The following EMP3 variants were observed in gnomAD, a reference collection of about 807,000 sequenced individuals.
EMP3 encodes the protein epithelial membrane protein 3 (MAM blood group).
Under a neutral mutation model 21.6 loss-of-function variants are expected in EMP3, and 15 were observed. The ratio of observed to expected loss-of-function variants is 0.69; its 90% CI spans 0.46 to 1.07. The LOEUF (loss-of-function observed/expected upper bound fraction) is 1.07. Among genes scored for constraint, EMP3 ranks in the 50% least tolerant of loss-of-function variants. The pLI is 0.00. For missense variants in EMP3, 183 were observed against 206.6 expected, an observed-to-expected ratio of 0.89 and a Z score of 0.70; for synonymous variants, 107 against 86.1, an observed-to-expected ratio of 1.24 and a Z score of -1.34.
intron 1 of EMP3, 95 bp from the exon 2 acceptor site, chr19:48,326,735 C>T: frequency 1.0e-6 from 1 of 996,438 alleles, no homozygotes; most frequent in Non-Finnish European, 1.6e-6. Context: ...GGTGATCCTC[C>T]CGCCTCGGCC....
Position 48,329,363 on chromosome 19 carries a change from G to A in EMP3, c.193G>A (p.Ala65Thr), listed in dbSNP as rs938387896. ...SNVSENGWLKAVQVLMVLSLI... is the reference protein window; with the variant it reads ...SNVSENGWLKTVQVLMVLSLI... ...CCTCCTTACTGCAGGCTGGCTGAAG[G>A]CGGTGCAGGTCCTCATGGTGCTCTC... The change falls in exon 4 of 5, where the codon GCG (alanine) becomes ACG (threonine). Residue 65 changes from alanine (A) to threonine (T), a missense_variant. Ala to Thr is a moderately conservative substitution (Grantham distance 58). Coordinates refer to ENST00000270221, the MANE Select transcript of EMP3 (RefSeq NM_001425.3). This position sits in a 1 kb window ranked among gnomAD's most constrained non-coding sequence, Gnocchi z 4.5. The A allele has an allele frequency of 6.2e-7, 1 of 1,614,074 alleles. No homozygotes were observed. Among genetic ancestry groups the A allele is most frequent in the Non-Finnish European group, 8.5e-7 (1 of 1,180,000 alleles).
At position 48,330,470 on chromosome 19, in the gene EMP3, A is replaced by G. The variant is rs769824313; in HGVS notation, c.492A>G (p.Ter164TrpextTer23). The G allele has an allele frequency of 6.4e-7, 1 of 1,574,560 alleles. No homozygotes were observed. The highest frequency in any genetic ancestry group is 1.2e-5 in the South Asian group (1 of 86,688). Reference sequence around the variant, plus strand: ...ACATCCACCTACGGAAGCGGGAGTGAGCGCCCCGCCTCGCTCGGCTGCCCC... The same window carrying G: ...ACATCCACCTACGGAAGCGGGAGTGGGCGCCCCGCCTCGCTCGGCTGCCCC... ...IIYIHLRKRE[*>W] Residue 164 changes from the stop codon to tryptophan, a stop_lost, in exon 5 of 5, where the codon TGA becomes TGG. Transcript: ENST00000270221.
chr19:48,326,948 C>T (rs994822178), intron 2 of EMP3, 26 bp downstream of exon 2: 2 of 1,602,506 alleles, frequency 1.2e-6, no homozygotes, highest in East Asian at 2.2e-5. Context: ...GCTCAGGGCC[C>T]TTCTGTTCCC....
intron 3 of EMP3, among the ~76,000 whole-genome samples, chr19:48,327,992 A>G (rs1422818157): frequency 6.6e-6 from 1 of 151,878 alleles, no homozygotes; most frequent in Admixed American, 6.6e-5. Context: ...TTTTTAGTAG[A>G]GACAGGTTTC....
Position 48,327,466 on chromosome 19 carries a change from C to T in EMP3, c.79-55C>T, listed in dbSNP as rs1178894933. On this transcript the variant is annotated intron_variant, in intron 2 of 4. Transcript: ENST00000270221. ...AGCCCTTCCCACAGTCTGCCTGACC[C>T]TATCCCCTCTCCTTTCCTAACCCTG... 27 of 1,357,332 alleles carry T rather than the reference C, an allele frequency of 2.0e-5. No individual in the cohort carries two copies. The East Asian group carries it at 5.2e-4, about 26-fold the overall frequency. The allele number at this position is 1,357,332 out of a possible 1,614,324, so 84.1% of individuals were successfully genotyped here. A position where few individuals can be genotyped will look rare whatever the true frequency, so the allele number is the denominator to read the frequency against.
rs1453199231 is a variant in EMP3, at chr19:48,329,310, G to A, written c.182-42G>A. ...AGCAAGCAGGTGAAGCTGGAACTCT[G>A]GACCCACGGTGATGTCCCCCTCTGT... On this transcript the variant is annotated intron_variant, in intron 3 of 4. Coordinates refer to ENST00000270221, the MANE Select transcript of EMP3 (RefSeq NM_001425.3). This position sits in a 1 kb window ranked among gnomAD's most constrained non-coding sequence, Gnocchi z 4.5. 1.9e-6 allele frequency: 3 copies of A among 1,612,002 alleles called. No homozygotes were observed. Among genetic ancestry groups the A allele is most frequent in the Non-Finnish European group, 2.5e-6 (3 of 1,178,840 alleles).
chr19:48,326,787 G>A (rs1969129604), intron 1 of EMP3, 43 bp from the exon 2 acceptor site: 1 of 1,559,320 alleles, frequency 6.4e-7, no homozygotes, highest in Non-Finnish European at 8.8e-7. Context: ...TGCCTGGCCT[G>A]TGCCAACCTC....
At chr19:48,330,269 A>T in intron 4 of EMP3, 32 bp from the exon 5 acceptor site, 2 of 1,536,914 alleles carry the variant, frequency 1.3e-6, no homozygotes, top group Non-Finnish European at 1.8e-6. Context: ...TTGAGGGGGC[A>T]CTGCATGACG....
At chr19:48,330,237 T>G in intron 4 of EMP3, 64 bp from the exon 5 acceptor site, 1 of 1,475,342 alleles carries the variant, frequency 6.8e-7, no homozygotes, top group Non-Finnish European at 9.0e-7. Flanking sequence ...TTTGCCCCCA[T>G]GGGATATTGG....
intron 1 of EMP3, 121 bp from the exon 2 acceptor site, chr19:48,326,709 C>T (rs1324195013): frequency 1.0e-5 from 8 of 774,264 alleles, no homozygotes; most frequent in African/African-American, 5.1e-5. Context: ...AGGCTGGTCT[C>T]GATCTCCTGA....
rs550804702 is a variant in EMP3 at position 48,328,227 on chromosome 19, T to A, written c.181+604T>A. 7.2e-5 allele frequency among the ~76,000 whole-genome samples: 11 copies of A among 151,876 alleles called. No homozygotes were observed. In the East Asian group the frequency reaches 2.1e-3, roughly 29 times the overall value. On this transcript the variant is annotated intron_variant, in intron 3 of 4. Transcript: ENST00000270221. ...GAGTTCGAGACCAGCCTGGCCAAGA[T>A]GATGAAACCCCGTCTCTACTAAAAA...
rs1040294414 is a variant in EMP3 at position 48,330,150 on chromosome 19, G to C, written c.323-151G>C. ...AGTTACCTAAGGCCGCGCTACAGTT[G>C]CACGGCGCTGGGCGGGGGGGAAAGA... On this transcript the variant is annotated intron_variant, in intron 4 of 4. Transcript: ENST00000270221. 3.7e-5 allele frequency: 42 copies of C among 1,135,618 alleles called. No individual in the cohort carries two copies. In the East Asian group the frequency reaches 1.2e-3, roughly 31 times the overall value. 70.3% of individuals were successfully genotyped at this position (1,135,618 alleles called of 1,614,324 possible).
chr19:48,330,237 T>C, intron 4 of EMP3, 64 bp from the exon 5 acceptor site: 5 of 1,475,390 alleles, frequency 3.4e-6, no homozygotes, highest in Non-Finnish European at 4.5e-6. Context: ...TTTGCCCCCA[T>C]GGGATATTGG....
chr19:48,330,270 C>A, intron 4 of EMP3, 31 bp from the exon 5 acceptor site: 1 of 1,550,072 alleles, frequency 6.5e-7, no homozygotes, highest in South Asian at 1.2e-5. Context: ...TGAGGGGGCA[C>A]TGCATGACGT....
chr19:48,330,164 G>T lies in EMP3; in HGVS notation c.323-137G>T, dbSNP rs887105571. On this transcript the variant is annotated intron_variant, in intron 4 of 4. Transcript: ENST00000270221. ...GCGCTACAGTTGCACGGCGCTGGGC[G>T]GGGGGGAAAGAACCACAACTCCCAG... The T allele has an allele frequency of 7.2e-6, 9 of 1,245,652 alleles. No homozygotes were observed. The African/African-American group carries it at 1.4e-4, about 20-fold the overall frequency. The allele number at this position is 1,245,652 out of a possible 1,614,324, so 77.2% of individuals were successfully genotyped here. A position where few individuals can be genotyped will look rare whatever the true frequency, so the allele number is the denominator to read the frequency against.
At chr19:48,327,357 T>G (rs1969138485) in intron 2 of EMP3, among the ~76,000 whole-genome samples, 164 bp from the exon 3 acceptor site, 1 of 152,058 alleles carries the variant, frequency 6.6e-6, no homozygotes. Flanking sequence ...CGATGCCTCC[T>G]CCCTGTCCTG....
chr19:48,327,450 C>A, intron 2 of EMP3, 71 bp from the exon 3 acceptor site: 1 of 1,160,026 alleles, frequency 8.6e-7, no homozygotes, highest in Non-Finnish European at 1.3e-6. Context: ...CAGCCCTTCC[C>A]ACAGTCTGCC....
chr19:48,326,857 T>C lies in EMP3; in HGVS notation c.13T>C (p.Leu5=). The change falls in exon 2 of 5, where the codon TTG becomes CTG. Residue 5 remains leucine, a synonymous_variant. Coordinates refer to ENST00000270221, the MANE Select transcript of EMP3 (RefSeq NM_001425.3). The part of the protein sequence containing the change: MSLL[L]LVVSALHILI... The stretch of plus-strand genomic sequence containing the variant: ...TTCCACTGCAGCCATGTCACTCCTC[T>C]TGCTGGTGGTCTCAGCCCTTCACAT... 1 of 1,613,980 alleles carries C rather than the reference T, an allele frequency of 6.2e-7. No homozygotes were observed. Among genetic ancestry groups the C allele is most frequent in the Non-Finnish European group, 8.5e-7 (1 of 1,179,934 alleles).
chr19:48,327,419 C>T, intron 2 of EMP3, 102 bp from the exon 3 acceptor site: 1 of 804,156 alleles, frequency 1.2e-6, no homozygotes, highest in Non-Finnish European at 2.1e-6. Context: ...CTGCCCCATC[C>T]CAGATACCCT....
Sources: gnomAD v4.1 joint callset for allele counts (sites outside exome capture counted in the v4.1 genomes callset) on GRCh38, gnomAD v4.1.1 for gene constraint, Gnocchi (gnomAD v3.1) non-coding constraint, MANE v1.5 for transcripts, NCBI Gene and HGNC (gene_info 2026-07-23, HGNC 2026-07-21) for gene names.